Variants in OPA1 observed in about 807,000 individuals in gnomAD.
The protein encoded by OPA1 is dynamin-like GTPase OPA1, mitochondrial.
Under a neutral mutation model 152.9 loss-of-function variants are expected in OPA1, and 59 were observed. The observed-to-expected ratio is 0.39, with a 90% confidence interval of 0.31 to 0.48. The LOEUF (loss-of-function observed/expected upper bound fraction) is 0.48. Ranked by LOEUF, OPA1 falls within the 20% of genes least tolerant of loss-of-function variation. The pLI is 0.96. For missense variants in OPA1, 1,008 were observed against 1,216.8 expected (o/e 0.83, Z 2.55); for synonymous variants, 400 against 389.9 (o/e 1.03, Z -0.31).
chr3:193,606,181 G>C (rs1216644710), intron 1 of OPA1, among the ~76,000 whole-genome samples: 2 of 151,776 alleles, frequency 1.3e-5, no homozygotes, highest in African/African-American at 4.8e-5. Context: ...AGACATCTTG[G>C]GGTAAAGAAA....
intron 7 of OPA1, 63 bp from the exon 8 acceptor site, chr3:193,631,549 T>A (rs1732071125): frequency 8.1e-7 from 1 of 1,228,266 alleles, no homozygotes; most frequent in African/African-American, 1.5e-5. Flanking sequence ...CAAAAAAATT[T>A]AACTTGCTGT....
chr3:193,611,599 A>C (rs1185865879), intron 1 of OPA1, among the ~76,000 whole-genome samples: 7 of 51,998 alleles, frequency 1.3e-4, no homozygotes, highest in Non-Finnish European at 2.6e-4. Context: ...TCCACCTCAA[A>C]AAAAAAAAAA....
intron 8 of OPA1, among the ~76,000 whole-genome samples, chr3:193,631,954 C>T (rs1732148449): frequency 6.6e-6 from 1 of 152,276 alleles, no homozygotes; most frequent in South Asian, 2.1e-4. Context: ...TGCATTTTTA[C>T]ATTGATAAGC....
At chr3:193,685,146 A>G (rs1005142240) in intron 29 of OPA1, among the ~76,000 whole-genome samples, 1 of 151,952 alleles carries the variant, frequency 6.6e-6, no homozygotes, top group African/African-American at 2.4e-5. Flanking sequence ...CTAAAAATAC[A>G]AAAAAATTGG....
intron 29 of OPA1, chr3:193,668,318 T>C: frequency 6.5e-7 from 1 of 1,549,052 alleles, no homozygotes; most frequent in Non-Finnish European, 8.7e-7. Flanking sequence ...ATTGCAGAAA[T>C]GTTCTTTTTC....
chr3:193,658,186 G>T lies in OPA1; in HGVS notation c.2332-701G>T, dbSNP rs191858904. 4.5e-4 allele frequency among the ~76,000 whole-genome samples: 68 copies of T among 151,252 alleles called. 1 individual carries two copies. In the South Asian group the frequency reaches 0.014, roughly 31 times the overall value. On this transcript the variant is annotated intron_variant, in intron 23 of 30. Coordinates refer to ENST00000361510, the MANE Select transcript of OPA1 (RefSeq NM_130837.3). ...CTTGAACCCAGGAAGGGGAGGTTGC[G>T]GTTAGCCGAGATCGTGCCATTGCAC...
rs150032785 is a variant in OPA1, at chr3:193,657,711, C to T, written c.2331+479C>T. 1.0e-3 allele frequency among the ~76,000 whole-genome samples: 159 copies of T among 152,326 alleles called. 1 individual carries two copies. The highest frequency in any genetic ancestry group is 3.6e-3 in the African/African-American group (150 of 41,578). ...AAGCATTATTTGATTTAATTCTTAACCACTCCTGTTATTGTCATTGACAGA... is the reference window on the plus strand; with the variant it reads ...AAGCATTATTTGATTTAATTCTTAATCACTCCTGTTATTGTCATTGACAGA... On this transcript the variant is annotated intron_variant, in intron 23 of 30. Transcript: ENST00000361510.
chr3:193,667,753 A>G (rs1431277897), intron 29 of OPA1, among the ~76,000 whole-genome samples: 1 of 151,676 alleles, frequency 6.6e-6, no homozygotes, highest in African/African-American at 2.4e-5. Flanking sequence ...CTTAAGTCCT[A>G]TCACTTCCAA....
At chr3:193,694,153 T>C (rs1017993526) in intron 30 of OPA1, among the ~76,000 whole-genome samples, 3 of 152,332 alleles carry the variant, frequency 2.0e-5, no homozygotes, top group Non-Finnish European at 4.4e-5. Flanking sequence ...TGTGAACTTT[T>C]ACAAAGTATC....
intron 10 of OPA1, 78 bp from the exon 11 acceptor site, chr3:193,637,874 G>A: frequency 8.5e-7 from 1 of 1,170,686 alleles, no homozygotes; most frequent in Non-Finnish European, 1.3e-6. Context: ...AAAAAACTCA[G>A]AGCAGCATTA....
At chr3:193,619,845 G>A (rs1317914109) in intron 6 of OPA1, among the ~76,000 whole-genome samples, 2 of 151,910 alleles carry the variant, frequency 1.3e-5, no homozygotes, top group Admixed American at 6.6e-5. Context: ...TCTATGAATA[G>A]GTTTTCATCT....
Position 193,637,278 on chromosome 3 carries a change from A to G in OPA1, c.1032A>G (p.Pro344=), listed in dbSNP as rs1733094667. Residue 344 remains proline, a synonymous_variant, in exon 10 of 31, where the codon CCA becomes CCG. Coordinates refer to ENST00000361510, the MANE Select transcript of OPA1 (RefSeq NM_130837.3). ...DASYNTQDHL[P]RVVVVGDQSA... is the part of the protein sequence containing the mutation. ...GTTATAATACGCAAGATCATCTGCC[A>G]CGGGTATGTGAAAAATTGATAGTGA... The G allele has an allele frequency of 6.2e-7, 1 of 1,602,544 alleles. No individual in the cohort carries two copies. The highest frequency in any genetic ancestry group is 1.3e-5 in the African/African-American group (1 of 74,550).
intron 21 of OPA1, among the ~76,000 whole-genome samples, chr3:193,651,831 G>A (rs890402308): frequency 2.4e-4 from 37 of 151,808 alleles, no homozygotes; most frequent in Non-Finnish European, 1.5e-4. Context: ...TATAAAAGAG[G>A]AACTATGGGG....
At chr3:193,608,277 T>C (rs2108829649) in intron 1 of OPA1, among the ~76,000 whole-genome samples, 1 of 152,352 alleles carries the variant, frequency 6.6e-6, no homozygotes. Flanking sequence ...CTTCTCTAGT[T>C]CTTTTAATTG....
intron 20 of OPA1, 79 bp from the exon 21 acceptor site, chr3:193,648,716 T>C: frequency 9.8e-7 from 1 of 1,021,666 alleles, no homozygotes; most frequent in Non-Finnish European, 1.5e-6. Flanking sequence ...AAACCTCCCT[T>C]TGGTTATCTC....
At chr3:193,595,479 T>A (rs1034941569) in intron 1 of OPA1, among the ~76,000 whole-genome samples, 2 of 152,250 alleles carry the variant, frequency 1.3e-5, no homozygotes, top group African/African-American at 4.8e-5. Flanking sequence ...AATATTGAAG[T>A]CTATATTCAA....
At chr3:193,682,479 C>T (rs573712947) in intron 29 of OPA1, among the ~76,000 whole-genome samples, 13 of 152,158 alleles carry the variant, frequency 8.5e-5, no homozygotes, top group Admixed American at 1.3e-4. Flanking sequence ...TATTGGAAGA[C>T]GATGCCATCT....
intron 22 of OPA1, among the ~76,000 whole-genome samples, chr3:193,655,484 AAAAAC>A (rs534431886): frequency 9.0e-4 from 137 of 152,320 alleles, no homozygotes; most frequent in Admixed American, 2.1e-3. Flanking sequence ...GGAATTATTA[AAAAAC>A]AAAACAAAAC....
intron 6 of OPA1, 134 bp downstream of exon 6, chr3:193,619,070 A>T (rs190453962): frequency 8.2e-6 from 6 of 736,110 alleles, no homozygotes; most frequent in Non-Finnish European, 1.4e-5. Context: ...TATCGTTACT[A>T]ATCTTAGTGC....
Sources: allele counts gnomAD v4.1 joint callset (sites outside exome capture counted in the v4.1 genomes callset), GRCh38; gene constraint gnomAD v4.1.1; transcripts MANE v1.5; gene names NCBI Gene and HGNC (gene_info 2026-07-23, HGNC 2026-07-21).